ARHGAP12: variants seen among roughly 807,000 people sequenced by gnomAD.
ARHGAP12 encodes rho GTPase-activating protein 12.
In ARHGAP12, 64 loss-of-function variants were observed where a neutral mutation model predicts 108.6. The ratio of observed to expected loss-of-function variants is 0.59; its 90% CI spans 0.48 to 0.73. The LOEUF (loss-of-function observed/expected upper bound fraction) is 0.73. Ranked by LOEUF, ARHGAP12 falls within the 30% of genes least tolerant of loss-of-function variation. The probability of loss-of-function intolerance (pLI) is 0.00; values close to 1 mark genes in which losing one functional copy is unlikely to be tolerated. For synonymous variants in ARHGAP12, 312 were observed against 337.2 expected (o/e 0.93, Z 0.82); for missense variants, 940 against 1,005.9 (o/e 0.93, Z 0.89).
intron 1 of ARHGAP12, among the ~76,000 whole-genome samples, chr10:31,912,527 AAGAT>A (rs1839395873): frequency 6.6e-6 from 1 of 152,356 alleles, no homozygotes; most frequent in African/African-American, 2.4e-5. Context: ...GTTAGGGAGA[AAGAT>A]AAAGCAAGTC....
chr10:31,839,262 G>GA (rs1461700916), intron 9 of ARHGAP12, 43 bp downstream of exon 9: 1 of 1,568,022 alleles, frequency 6.4e-7, no homozygotes, highest in African/African-American at 1.4e-5. Flanking sequence ...CATAGAAAAT[G>GA]AAGGTGTCTA....
At chr10:31,912,191 G>A (rs1266962830) in intron 1 of ARHGAP12, among the ~76,000 whole-genome samples, 1 of 152,224 alleles carries the variant, frequency 6.6e-6, no homozygotes, top group East Asian at 1.9e-4. Context: ...CTTATCCTTA[G>A]GTGATTTTTT....
At chr10:31,870,507 G>C (rs1398640787) in intron 3 of ARHGAP12, among the ~76,000 whole-genome samples, 1 of 152,108 alleles carries the variant, frequency 6.6e-6, no homozygotes, top group African/African-American at 2.4e-5. Flanking sequence ...TGGGATTCCA[G>C]GCTGAGCCAC....
In ARHGAP12 at chr10:31,808,608, C is replaced by T. The variant is rs763492032; in HGVS notation, c.2366+41G>A. On this transcript the variant is annotated intron_variant, in intron 19 of 19. Transcript: ENST00000344936. ...GGCCCCACAGGCCTTCCCGCTTCCC[C>T]TTGTGCTATACCACATCCCATGACT... The T allele has an allele frequency of 4.4e-6, 7 of 1,584,530 alleles. No homozygotes were observed. In the Admixed American group the frequency reaches 6.8e-5, roughly 15 times the overall value.
intron 13 of ARHGAP12, 27 bp from the exon 14 acceptor site, chr10:31,814,388 A>G: frequency 6.6e-7 from 1 of 1,505,886 alleles, no homozygotes. Context: ...TCCCAAACAC[A>G]TATTACACTT....
At chr10:31,919,201 G>A (rs1326487666) in intron 1 of ARHGAP12, among the ~76,000 whole-genome samples, 1 of 152,142 alleles carries the variant, frequency 6.6e-6, no homozygotes, top group Non-Finnish European at 1.5e-5. Flanking sequence ...AAGCAGAATG[G>A]TGGTTACCAA....
intron 1 of ARHGAP12, among the ~76,000 whole-genome samples, chr10:31,927,979 G>A (rs904741211): frequency 3.7e-4 from 56 of 152,346 alleles, no homozygotes; most frequent in African/African-American, 1.3e-3. Context: ...GGGAGCGAAT[G>A]CACGTCCATC....
chr10:31,916,537 G>A (rs1228710623), intron 1 of ARHGAP12, among the ~76,000 whole-genome samples: 5 of 152,040 alleles, frequency 3.3e-5, no homozygotes, highest in Non-Finnish European at 4.4e-5. Context: ...TTCTCCCCCA[G>A]GACATCCGTT....
chr10:31,832,012 C>A (rs959103164), intron 9 of ARHGAP12, among the ~76,000 whole-genome samples: 1 of 152,132 alleles, frequency 6.6e-6, no homozygotes, highest in Non-Finnish European at 1.5e-5. Flanking sequence ...TTAAACACTT[C>A]TTTTTCTCCT....
intron 1 of ARHGAP12, among the ~76,000 whole-genome samples, chr10:31,922,947 G>C (rs528790657): frequency 3.4e-4 from 52 of 152,096 alleles, no homozygotes; most frequent in African/African-American, 1.3e-3. Flanking sequence ...GGACAACATA[G>C]CACGAACCCG....
At chr10:31,875,162 T>G (rs1411308987) in intron 3 of ARHGAP12, among the ~76,000 whole-genome samples, 1 of 151,768 alleles carries the variant, frequency 6.6e-6, no homozygotes, top group Non-Finnish European at 1.5e-5. Flanking sequence ...ATTTTTGAAA[T>G]GAGATTAAAA....
rs887545413 is a variant in ARHGAP12 at position 31,877,636 on chromosome 10, C to A, written c.685-15978G>T. On this transcript the variant is annotated intron_variant, in intron 3 of 19. Transcript: ENST00000344936. ...AACTAAAAAGTGAAATCGTTTTCTA[C>A]AAAACAAGGTTTGATCCCATTGTGT... Among the ~76,000 whole-genome samples, 3 of 152,266 alleles carry A rather than the reference C, an allele frequency of 2.0e-5. No individual in the cohort carries two copies. The East Asian group carries it at 5.8e-4, about 29-fold the overall frequency.
At chr10:31,868,096 G>T (rs1217314129) in intron 3 of ARHGAP12, among the ~76,000 whole-genome samples, 5 of 152,062 alleles carry the variant, frequency 3.3e-5, no homozygotes, top group Non-Finnish European at 4.4e-5. Flanking sequence ...TACTTGGGAG[G>T]CTGAGACAGG....
At chr10:31,926,989 T>C (rs1412942566) in intron 1 of ARHGAP12, among the ~76,000 whole-genome samples, 1 of 152,232 alleles carries the variant, frequency 6.6e-6, no homozygotes, top group Non-Finnish European at 1.5e-5. Flanking sequence ...CTTGATGAAG[T>C]ACGAACAGAA....
chr10:31,923,737 T>C (rs1406514937), intron 1 of ARHGAP12, among the ~76,000 whole-genome samples: 1 of 152,182 alleles, frequency 6.6e-6, no homozygotes. Context: ...TTTCCTAGAA[T>C]CAAACTAATT....
intron 6 of ARHGAP12, among the ~76,000 whole-genome samples, chr10:31,844,115 T>C (rs993104728): frequency 5.3e-5 from 8 of 152,314 alleles, no homozygotes; most frequent in South Asian, 4.1e-4. Flanking sequence ...ATTCTAAACC[T>C]TTCTAGGCTA....
At chr10:31,918,871 A>T (rs922953896) in intron 1 of ARHGAP12, among the ~76,000 whole-genome samples, 10 of 152,230 alleles carry the variant, frequency 6.6e-5, no homozygotes, top group Non-Finnish European at 7.3e-5. Flanking sequence ...TTATCCAGCA[A>T]TTCCACTTCT....
chr10:31,918,427 G>C (rs1301155697), intron 1 of ARHGAP12, among the ~76,000 whole-genome samples: 1 of 150,784 alleles, frequency 6.6e-6, no homozygotes, highest in Non-Finnish European at 1.5e-5. Context: ...AATAGACCAA[G>C]TACAGTGGCT....
chr10:31,831,234 G>A (rs1835821225), intron 10 of ARHGAP12, among the ~76,000 whole-genome samples: 3 of 152,038 alleles, frequency 2.0e-5, no homozygotes, highest in Admixed American at 2.0e-4. Flanking sequence ...AAAACAATGT[G>A]GCAGCTCTAC....
Sources: allele counts gnomAD v4.1 joint callset (sites outside exome capture counted in the v4.1 genomes callset), GRCh38; gene constraint gnomAD v4.1.1; transcripts MANE v1.5; gene names NCBI Gene and HGNC (gene_info 2026-07-23, HGNC 2026-07-21).